Variants in DNM3 observed in about 807,000 individuals in gnomAD.
DNM3 encodes dynamin-3.
A neutral mutation model predicts 101.6 loss-of-function variants in DNM3; 47 were observed. The observed-to-expected ratio is 0.46, with a 90% CI of 0.37 to 0.59. DNM3 has a LOEUF of 0.59. Among genes scored for constraint, DNM3 ranks in the 20% least tolerant of loss-of-function variants. The pLI, the probability that DNM3 is intolerant of heterozygous loss-of-function variation, is 0.00. For synonymous variants in DNM3, 385 were observed against 387.9 expected, an observed-to-expected ratio of 0.99 and a Z score of 0.09; for missense variants, 849 against 1,085.7, an observed-to-expected ratio of 0.78 and a Z score of 3.06.
At chr1:172,200,441 T>A (rs957846082) in intron 14 of DNM3, among the ~76,000 whole-genome samples, 2 of 152,152 alleles carry the variant, frequency 1.3e-5, no homozygotes, top group Non-Finnish European at 2.9e-5. Flanking sequence ...TGAATTTGAC[T>A]GTTGGCCTCT....
intron 13 of DNM3, among the ~76,000 whole-genome samples, chr1:172,096,990 G>T (rs1388972199): frequency 6.6e-6 from 1 of 152,108 alleles, no homozygotes; most frequent in Non-Finnish European, 1.5e-5. Context: ...AATTGGAAGG[G>T]TTATAAAGAG....
rs920628706 is a variant in DNM3, at chr1:171,914,508, A to AT, written c.162-7231dup. On this transcript the variant is annotated intron_variant, in intron 1 of 20. Transcript: ENST00000627582. ...AATTTTAAAAATATATTGGTTCTGG[A>AT]TTTTTTTTTAAATTTTATTTTCTTC... Among the ~76,000 whole-genome samples, 304 of 151,792 alleles carry AT rather than the reference A, an allele frequency of 2.0e-3. 2 individuals are homozygous for AT. The highest frequency in any genetic ancestry group is 7.1e-3 in the African/African-American group (293 of 41,392).
At chr1:171,924,742 A>G (rs34906981) in intron 2 of DNM3, among the ~76,000 whole-genome samples, 40,369 of 152,134 alleles carry the variant, frequency 0.27, 5,946 homozygotes, top group Admixed American at 0.36. Context: ...GCCTAAACAT[A>G]TCAATAGCCA....
chr1:172,328,876 C>T (rs139596065), intron 17 of DNM3, among the ~76,000 whole-genome samples: 5 of 152,168 alleles, frequency 3.3e-5, no homozygotes, highest in Non-Finnish European at 7.4e-5. Flanking sequence ...GACAGGGTCT[C>T]GCTAAGTTTC....
intron 14 of DNM3, among the ~76,000 whole-genome samples, chr1:172,214,876 A>T (rs183725755): frequency 3.6e-4 from 55 of 152,234 alleles, no homozygotes; most frequent in African/African-American, 1.2e-3. Flanking sequence ...GGGCATATTG[A>T]TCAGAGAAAG....
intron 1 of DNM3, among the ~76,000 whole-genome samples, chr1:171,889,354 CA>C (rs1208179438): frequency 1.3e-5 from 2 of 151,882 alleles, no homozygotes; most frequent in African/African-American, 4.8e-5. Context: ...ACGACAACAA[CA>C]AAAAACCATG....
At chr1:172,240,753 A>G (rs997909653) in intron 14 of DNM3, among the ~76,000 whole-genome samples, 10 of 152,194 alleles carry the variant, frequency 6.6e-5, no homozygotes, top group Non-Finnish European at 1.5e-4. Flanking sequence ...TTGCATTTTA[A>G]TAATAGAAAT....
At chr1:172,206,984 C>T (rs780580334) in intron 14 of DNM3, among the ~76,000 whole-genome samples, 5 of 152,000 alleles carry the variant, frequency 3.3e-5, no homozygotes, top group African/African-American at 9.7e-5. Context: ...GCTCCTGTTA[C>T]AGACTGAGCT....
rs1260771884 is a variant in DNM3, at chr1:172,215,202, C to CA, written c.1660-38370dup. On this transcript the variant is annotated intron_variant, in intron 14 of 20. Coordinates refer to ENST00000627582, the MANE Select transcript of DNM3 (RefSeq NM_015569.5). ...AGTCATTGTTTCCAAGCTGATTGGG[C>CA]AGAGACCATGTCTATTGCACTTTTG... Among the ~76,000 whole-genome samples, 5 of 152,202 alleles carry CA rather than the reference C, an allele frequency of 3.3e-5. No homozygotes were observed. The East Asian group carries it at 9.7e-4, about 29-fold the overall frequency.
chr1:172,034,645 T>A (rs929634598), intron 6 of DNM3, among the ~76,000 whole-genome samples: 4 of 152,142 alleles, frequency 2.6e-5, no homozygotes, highest in African/African-American at 9.7e-5. Flanking sequence ...TCACTCTCTC[T>A]TTATTGCTTC....
chr1:172,300,498 T>C (rs956999862), intron 15 of DNM3, among the ~76,000 whole-genome samples: 11 of 152,174 alleles, frequency 7.2e-5, no homozygotes, highest in Non-Finnish European at 1.3e-4. Context: ...CTAGATTTTC[T>C]TCTGAAGTTC....
At chr1:172,030,804 C>T (rs1415174812) in intron 4 of DNM3, among the ~76,000 whole-genome samples, 1 of 152,166 alleles carries the variant, frequency 6.6e-6, no homozygotes, top group Non-Finnish European at 1.5e-5. Context: ...TGAAAAAAAG[C>T]TCATCATCAC....
At chr1:171,982,624 C>A (rs2044888926) in intron 2 of DNM3, among the ~76,000 whole-genome samples, 1 of 151,546 alleles carries the variant, frequency 6.6e-6, no homozygotes, top group Non-Finnish European at 1.5e-5. Context: ...ACTCTGAGGT[C>A]ACTCATTTAG....
At chr1:172,214,511 C>T (rs1181152132) in intron 14 of DNM3, among the ~76,000 whole-genome samples, 1 of 113,556 alleles carries the variant, frequency 8.8e-6, no homozygotes, top group East Asian at 2.2e-4. Context: ...ATACACACAC[C>T]TCATCCCCCC....
chr1:172,153,017 A>G (rs1416341686), intron 14 of DNM3, among the ~76,000 whole-genome samples: 1 of 152,136 alleles, frequency 6.6e-6, no homozygotes, highest in Non-Finnish European at 1.5e-5. Flanking sequence ...AATTAGTTAT[A>G]TTTACTTTCA....
intron 17 of DNM3, among the ~76,000 whole-genome samples, chr1:172,324,510 C>T (rs1358083855): frequency 6.6e-6 from 1 of 151,910 alleles, no homozygotes; most frequent in African/African-American, 2.4e-5. Context: ...TAAAGTATTA[C>T]CAGAAAAGCA....
At chr1:171,992,269 T>C (rs2045687573) in intron 4 of DNM3, among the ~76,000 whole-genome samples, 1 of 152,166 alleles carries the variant, frequency 6.6e-6, no homozygotes, top group African/African-American at 2.4e-5. Context: ...AGAAGAAGAT[T>C]CATTTATGAC....
At chr1:171,956,446 C>G (rs914628417) in intron 2 of DNM3, among the ~76,000 whole-genome samples, 1 of 152,182 alleles carries the variant, frequency 6.6e-6, no homozygotes, top group African/African-American at 2.4e-5. Flanking sequence ...GTCTCACATC[C>G]AGGTCACACT....
intron 15 of DNM3, among the ~76,000 whole-genome samples, chr1:172,253,943 AT>A (rs954369918): frequency 1.4e-4 from 21 of 148,718 alleles, no homozygotes; most frequent in South Asian, 4.3e-4. Context: ...TTCTTCATCC[AT>A]TTTTTTTTTC....
Sources: gnomAD v4.1 joint callset for allele counts (sites outside exome capture counted in the v4.1 genomes callset) on GRCh38, gnomAD v4.1.1 for gene constraint, MANE v1.5 for transcripts, NCBI Gene and HGNC (gene_info 2026-07-23, HGNC 2026-07-21) for gene names.